The following GMDS variants were observed in gnomAD, a reference collection of about 807,000 sequenced individuals.
The protein encoded by GMDS is GDP-mannose 4,6 dehydratase.
In GMDS, 20 loss-of-function variants were observed where a neutral mutation model predicts 49.9. The ratio of observed to expected loss-of-function variants is 0.40; its 90% CI spans 0.28 to 0.58. The LOEUF is 0.58. Among genes scored for constraint, GMDS ranks in the 20% least tolerant of loss-of-function variants. The pLI is 0.42. For synonymous variants in GMDS, 177 were observed against 178.6 expected, an observed-to-expected ratio of 0.99 and a Z score of 0.07; for missense variants, 362 against 481.4, an observed-to-expected ratio of 0.75 and a Z score of 2.32.
chr6:1,627,221 C>T (rs1224041656), intron 9 of GMDS, among the ~76,000 whole-genome samples: 4 of 152,212 alleles, frequency 2.6e-5, no homozygotes, highest in Non-Finnish European at 5.9e-5. Context: ...GAAGGAATTT[C>T]TTACTTCTTC....
At chr6:1,916,267 G>A (rs761301805) in intron 7 of GMDS, among the ~76,000 whole-genome samples, 1 of 152,174 alleles carries the variant, frequency 6.6e-6, no homozygotes, top group Admixed American at 6.5e-5. Flanking sequence ...GATGAAACGT[G>A]AGGGTGCAGC....
chr6:1,793,615 A>G (rs549819573), intron 7 of GMDS, among the ~76,000 whole-genome samples: 6 of 152,324 alleles, frequency 3.9e-5, no homozygotes, highest in Admixed American at 2.0e-4. Context: ...GAGGTGATAC[A>G]TATAGTTTAT....
At chr6:1,785,210 A>G (rs183384613) in intron 7 of GMDS, among the ~76,000 whole-genome samples, 3 of 152,340 alleles carry the variant, frequency 2.0e-5, no homozygotes, top group Admixed American at 2.0e-4. Flanking sequence ...GCTATAACAA[A>G]TCTAGGTGGT....
At chr6:1,695,249 T>C (rs1451032983) in intron 9 of GMDS, among the ~76,000 whole-genome samples, 1 of 152,230 alleles carries the variant, frequency 6.6e-6, no homozygotes, top group Non-Finnish European at 1.5e-5. Flanking sequence ...TCCTCATTTC[T>C]GATATGAGTT....
At chr6:1,984,023 GGGA>G (rs1765390135) in intron 4 of GMDS, among the ~76,000 whole-genome samples, 1 of 152,160 alleles carries the variant, frequency 6.6e-6, no homozygotes, top group Admixed American at 6.5e-5. Context: ...TATACACCAT[GGGA>G]TACTATGCAG....
chr6:2,049,333 C>G (rs532668376), intron 4 of GMDS, among the ~76,000 whole-genome samples: 1 of 152,066 alleles, frequency 6.6e-6, no homozygotes, highest in African/African-American at 2.4e-5. Context: ...ACTTATATGC[C>G]TAAATGTATT....
At chr6:1,958,115 GTTTTT>G (rs35647807) in intron 6 of GMDS, among the ~76,000 whole-genome samples, 1 of 129,424 alleles carries the variant, frequency 7.7e-6, no homozygotes, top group Middle Eastern at 4.0e-3. Flanking sequence ...CTTAAAATAT[GTTTTT>G]TTTTTTTTTT....
intron 7 of GMDS, among the ~76,000 whole-genome samples, chr6:1,882,466 G>T (rs950015234): frequency 6.6e-6 from 1 of 152,130 alleles, no homozygotes; most frequent in Non-Finnish European, 1.5e-5. Context: ...TGTAATGAGA[G>T]GTGCTCTTAG....
intron 7 of GMDS, among the ~76,000 whole-genome samples, chr6:1,757,384 G>A (rs748381728): frequency 3.9e-5 from 6 of 152,078 alleles, no homozygotes; most frequent in African/African-American, 1.2e-4. Context: ...ATCTTCTGTC[G>A]CTCGGATACC....
intron 4 of GMDS, among the ~76,000 whole-genome samples, chr6:2,024,318 G>A (rs1202850760): frequency 1.3e-5 from 2 of 151,994 alleles, no homozygotes; most frequent in Non-Finnish European, 2.9e-5. Context: ...TTATCAAGAA[G>A]GAAGATGAAC....
chr6:2,199,584 C>T (rs1035696436), intron 1 of GMDS, among the ~76,000 whole-genome samples: 83 of 152,308 alleles, frequency 5.4e-4, no homozygotes, highest in Admixed American at 1.5e-3. Flanking sequence ...AGGACCTTGG[C>T]GCCATCTTTT....
At chr6:2,024,470 G>A (rs916470026) in intron 4 of GMDS, among the ~76,000 whole-genome samples, 1 of 152,008 alleles carries the variant, frequency 6.6e-6, no homozygotes, top group African/African-American at 2.4e-5. Context: ...AAACAAGAGA[G>A]AATGAAATTA....
At chr6:1,695,775 C>T (rs986652383) in intron 9 of GMDS, among the ~76,000 whole-genome samples, 4 of 152,136 alleles carry the variant, frequency 2.6e-5, no homozygotes, top group African/African-American at 9.7e-5. Context: ...GTGTTCTTTT[C>T]CAGGCTCAAA....
chr6:1,762,076 C>T (rs1054646749), intron 7 of GMDS, among the ~76,000 whole-genome samples: 1 of 152,168 alleles, frequency 6.6e-6, no homozygotes, highest in African/African-American at 2.4e-5. Flanking sequence ...TCTGTTTCAA[C>T]CATGAAGTGA....
chr6:1,779,733 G>A (rs778352306), intron 7 of GMDS, among the ~76,000 whole-genome samples: 9 of 152,100 alleles, frequency 5.9e-5, no homozygotes, highest in Non-Finnish European at 1.2e-4. Context: ...ACTGATAGTG[G>A]TAAAATGAAA....
intron 7 of GMDS, among the ~76,000 whole-genome samples, chr6:1,768,513 G>A (rs907211154): frequency 1.2e-4 from 18 of 152,168 alleles, no homozygotes; most frequent in Admixed American, 3.3e-4. Flanking sequence ...GAGGTACTAC[G>A]TTTACTCATT....
chr6:1,677,883 CAT>C (rs1481354313), intron 9 of GMDS, among the ~76,000 whole-genome samples: 1 of 151,960 alleles, frequency 6.6e-6, no homozygotes, highest in African/African-American at 2.4e-5. Flanking sequence ...CAACATGGCA[CAT>C]GTCTACATAT....
chr6:2,219,389 G>C (rs1212616303), intron 1 of GMDS, among the ~76,000 whole-genome samples: 1 of 152,138 alleles, frequency 6.6e-6, no homozygotes, highest in Non-Finnish European at 1.5e-5. Context: ...TGTTAAGTGA[G>C]AAGACAACAT....
Position 1,968,850 on chromosome 6 carries a change from C to T in GMDS, c.346-7884G>A, listed in dbSNP as rs559466540. 1.2e-3 allele frequency among the ~76,000 whole-genome samples: 180 copies of T among 152,248 alleles called. 2 individuals are homozygous for T. The Middle Eastern group carries it at 0.017, about 14-fold the overall frequency. ...AGCCCCTACCCCACTAGACTGTAAA[C>T]TCTACAGCAGCAGGGCCCTTGACTC... is the stretch of plus-strand genomic sequence containing the variant. On this transcript the variant is annotated intron_variant, in intron 4 of 10. Coordinates refer to ENST00000380815, the MANE Select transcript of GMDS (RefSeq NM_001500.4).
Sources: gnomAD v4.1 joint callset for allele counts (sites outside exome capture counted in the v4.1 genomes callset) on GRCh38, gnomAD v4.1.1 for gene constraint, MANE v1.5 for transcripts, NCBI Gene and HGNC (gene_info 2026-07-23, HGNC 2026-07-21) for gene names.